Variants in ST7L observed in about 807,000 individuals in gnomAD.
ST7L encodes suppressor of tumorigenicity 7 protein-like.
ST7L carries 57 observed loss-of-function variants against 72.5 expected under a neutral mutation model. That is an observed-to-expected ratio of 0.79 (90% confidence interval 0.64 to 0.98). ST7L has a LOEUF of 0.98. Ranked by LOEUF, ST7L falls within the 50% of genes least tolerant of loss-of-function variation. The pLI is 0.00. For missense variants in ST7L, 576 were observed against 672.2 expected (o/e 0.86, Z 1.58); for synonymous variants, 221 against 240.9 (o/e 0.92, Z 0.77).
chr1:112,596,917 G>T (rs187608117), intron 5 of ST7L, among the ~76,000 whole-genome samples: 1 of 152,138 alleles, frequency 6.6e-6, no homozygotes, highest in Non-Finnish European at 1.5e-5. Context: ...GATTACAGGC[G>T]TGAGCCACCG....
intron 3 of ST7L, among the ~76,000 whole-genome samples, chr1:112,606,669 C>G (rs1421953322): frequency 6.6e-6 from 1 of 152,152 alleles, no homozygotes; most frequent in Non-Finnish European, 1.5e-5. Flanking sequence ...AACAAAGTAT[C>G]ATATGCTGAG....
the ST7L span, chr1:112,518,132 G>C: frequency 6.6e-6 from 1 of 152,230 alleles, no homozygotes; most frequent in African/African-American, 2.4e-5. Context: ...GCAGCAAATG[G>C]TTGTTTTTCA....
intron 11 of ST7L, 37 bp from the exon 12 acceptor site, chr1:112,556,055 A>G: frequency 1.5e-6 from 2 of 1,359,798 alleles, no homozygotes; most frequent in Non-Finnish European, 1.9e-6. Flanking sequence ...TACACACAAC[A>G]GAAAAAAGAA....
At chr1:112,551,370 G>C (rs558709036) in intron 12 of ST7L, among the ~76,000 whole-genome samples, 132 of 151,880 alleles carry the variant, frequency 8.7e-4, no homozygotes, top group African/African-American at 3.0e-3. Context: ...GGATGGTCTC[G>C]ATCTCCTGAC....
intron 3 of ST7L, among the ~76,000 whole-genome samples, chr1:112,609,106 C>T (rs1158413671): frequency 6.6e-6 from 1 of 152,082 alleles, no homozygotes; most frequent in East Asian, 1.9e-4. Flanking sequence ...GTGGGAGGAT[C>T]ACTTGAGCCC....
chr1:112,565,211 A>ATTTTTTTTTTTTTTTT (rs777969643), intron 11 of ST7L, among the ~76,000 whole-genome samples: 2 of 57,950 alleles, frequency 3.5e-5, no homozygotes, highest in African/African-American at 1.7e-4. Flanking sequence ...TGTTCGGCTA[A>ATTTTTTTTTTTTTTTT]TTTTTTTTTT....
intron 11 of ST7L, among the ~76,000 whole-genome samples, chr1:112,560,185 G>C (rs1226867587): frequency 6.6e-6 from 1 of 151,698 alleles, no homozygotes; most frequent in African/African-American, 2.4e-5. Context: ...ACGAGGTTAG[G>C]AGATCCAGAC....
intron 13 of ST7L, among the ~76,000 whole-genome samples, chr1:112,543,431 C>T (rs1002877055): frequency 6.6e-6 from 1 of 152,070 alleles, no homozygotes; most frequent in Admixed American, 6.5e-5. Flanking sequence ...GCCTATAGTC[C>T]CAGCTACTCA....
rs1485710443 is a variant in ST7L at position 112,571,405 on chromosome 1, C to T, written c.1245+5581G>A. 7 of 422,468 alleles carry T rather than the reference C, an allele frequency of 1.7e-5. No individual in the cohort carries two copies. In the Admixed American group the frequency reaches 2.0e-4, roughly 12 times the overall value. 26.2% of individuals were successfully genotyped at this position (422,468 alleles called of 1,614,324 possible). A position where few individuals can be genotyped will look rare whatever the true frequency, so the allele number is the denominator to read the frequency against. On this transcript the variant is annotated intron_variant, in intron 11 of 14. Transcript: ENST00000358039. ...AAAGTGTATATGTGTGTATGTATAT[C>T]TATCTATCTATATATCTATATAGTT...
rs1282376931 is a variant in ST7L, at chr1:112,524,844, C to T, written c.*1169G>A. On this transcript the variant is annotated 3_prime_UTR_variant, in exon 15 of 15. Transcript: ENST00000358039. ...GTTCTGCTCATCCTCCTCTCCCCAA[C>T]AATTAAAAAAAAAAGCAATTAGATT... The T allele has an allele frequency of 6.6e-6, 1 of 151,072 alleles. No individual in the cohort carries two copies. Among genetic ancestry groups the T allele is most frequent in the Non-Finnish European group, 1.5e-5 (1 of 67,812 alleles). The allele number at this position is 151,072 out of a possible 1,614,324, so 9.4% of individuals were successfully genotyped here.
intron 12 of ST7L, among the ~76,000 whole-genome samples, chr1:112,552,461 A>G (rs1658378461): frequency 6.6e-6 from 1 of 152,054 alleles, no homozygotes; most frequent in Middle Eastern, 3.2e-3. Flanking sequence ...CTGGAGTACA[A>G]TGGTGCGATC....
At chr1:112,574,035 C>A (rs569063731) in intron 11 of ST7L, among the ~76,000 whole-genome samples, 41 of 149,700 alleles carry the variant, frequency 2.7e-4, no homozygotes, top group African/African-American at 9.8e-4. Context: ...CTGCCTCAGC[C>A]CCCCAAGTAG....
At chr1:112,566,901 A>G (rs1661152025) in intron 11 of ST7L, among the ~76,000 whole-genome samples, 1 of 152,188 alleles carries the variant, frequency 6.6e-6, no homozygotes, top group Non-Finnish European at 1.5e-5. Flanking sequence ...GGCTATTATA[A>G]ATAGAACTGC....
At chr1:112,576,554 C>T (rs1409906156) in intron 11 of ST7L, among the ~76,000 whole-genome samples, 2 of 152,178 alleles carry the variant, frequency 1.3e-5, no homozygotes, top group South Asian at 2.1e-4. Flanking sequence ...TGCCTCCTAT[C>T]ATTGATTATT....
chr1:112,549,072 A>G (rs985691830), intron 13 of ST7L, among the ~76,000 whole-genome samples: 24 of 152,018 alleles, frequency 1.6e-4, no homozygotes, highest in Admixed American at 1.4e-3. Flanking sequence ...TTGAATCTAT[A>G]GATCAATTTG....
chr1:112,555,767 A>C, intron 12 of ST7L, 101 bp downstream of exon 12: 1 of 1,189,340 alleles, frequency 8.4e-7, no homozygotes, highest in Middle Eastern at 2.3e-4. Flanking sequence ...TCTGAACGAC[A>C]AATCCTTATG....
At chr1:112,556,711 C>T (rs1281029508) in intron 11 of ST7L, among the ~76,000 whole-genome samples, 1 of 151,986 alleles carries the variant, frequency 6.6e-6, no homozygotes, top group Non-Finnish European at 1.5e-5. Flanking sequence ...AGTGCGCTGG[C>T]TCACACCTGT....
In ST7L at chr1:112,617,090, G is replaced by A. The variant is rs553353503; in HGVS notation, c.206-195C>T. On this transcript the variant is annotated intron_variant, in intron 1 of 14. Transcript: ENST00000358039. Reference sequence around the variant, plus strand: ...CACTATTTGCAACAAATCAAAATGAGGTAATTCAGCTTGCTTTGGAGAATA... The same window carrying A: ...CACTATTTGCAACAAATCAAAATGAAGTAATTCAGCTTGCTTTGGAGAATA... The A allele has an allele frequency of 8.4e-5, 30 of 355,958 alleles. No individual in the cohort carries two copies. In the South Asian group the frequency reaches 1.4e-3, roughly 16 times the overall value. 22.0% of individuals were successfully genotyped at this position (355,958 alleles called of 1,614,324 possible).
At position 112,535,876 on chromosome 1, in the gene ST7L, C is replaced by T. The variant is rs188064052; in HGVS notation, c.1629+6075G>A. ...TTGAAGCAGAAAAACAAGGATGAAA[C>T]ATGAGAAATACCCTTCTAGGAGGTA... On this transcript the variant is annotated intron_variant, in intron 14 of 14. Transcript: ENST00000358039. Among the ~76,000 whole-genome samples, 25 of 152,180 alleles carry T rather than the reference C, an allele frequency of 1.6e-4. No individual in the cohort carries two copies. The East Asian group carries it at 3.7e-3, about 22-fold the overall frequency.
Sources: allele counts gnomAD v4.1 joint callset (sites outside exome capture counted in the v4.1 genomes callset), GRCh38; gene constraint gnomAD v4.1.1; transcripts MANE v1.5; gene names NCBI Gene and HGNC (gene_info 2026-07-23, HGNC 2026-07-21).